The following TNFRSF10B variants were observed in gnomAD, a reference collection of about 807,000 sequenced individuals.
The protein encoded by TNFRSF10B is tumor necrosis factor receptor superfamily member 10B.
In TNFRSF10B, 35 loss-of-function variants were observed where a neutral mutation model predicts 41.4. The observed-to-expected ratio is 0.85, with a 90% CI of 0.65 to 1.12. TNFRSF10B has a LOEUF of 1.12. TNFRSF10B is among the 50% of genes most tolerant of loss of function. TNFRSF10B has a pLI of 0.00. For synonymous variants in TNFRSF10B, 230 were observed against 215.5 expected (o/e 1.07, Z -0.59); for missense variants, 584 against 552.7 (o/e 1.06, Z -0.57).
intron 2 of TNFRSF10B, among the ~76,000 whole-genome samples, chr8:23,033,350 C>T (rs1268431313): frequency 4.6e-5 from 7 of 151,860 alleles, no homozygotes; most frequent in African/African-American, 1.5e-4. Context: ...TCTGGGAGGC[C>T]GAGGCGGGCG....
chr8:23,023,047 A>G lies in TNFRSF10B; in HGVS notation c.1010-63T>C. The G allele has an allele frequency of 7.6e-6, 12 of 1,584,198 alleles. 1 individual carries two copies. In the South Asian group the frequency reaches 1.3e-4, roughly 18 times the overall value. On this transcript the variant is annotated intron_variant, in intron 8 of 8. Coordinates refer to ENST00000276431, the MANE Select transcript of TNFRSF10B (RefSeq NM_003842.5). ...GGACTCAGAAAGGGCAGAGGATTCC[A>G]CATCAGGCCCAGAACCCAAGGCGGG...
chr8:23,035,863 A>G (rs1336434001), intron 2 of TNFRSF10B, among the ~76,000 whole-genome samples: 7 of 152,166 alleles, frequency 4.6e-5, no homozygotes, highest in African/African-American at 1.4e-4. Flanking sequence ...TCACCTAAAA[A>G]TGTGCTAGTT....
chr8:23,022,928 G>C lies in TNFRSF10B; in HGVS notation c.1066C>G (p.Pro356Ala), dbSNP rs1036873542. 1.9e-6 allele frequency: 3 copies of C among 1,613,898 alleles called. No individual in the cohort carries two copies. In the Admixed American group the frequency reaches 5.0e-5, roughly 27 times the overall value. Reference protein sequence around the residue: ...ADLVPFDSWEPLMRKLGLMDN... With the variant: ...ADLVPFDSWEALMRKLGLMDN... ...ATGAGGCCCAACTTCCTCATGAGCG[G>C]CTCCCAGGAGTCAAAGGGCACCAAG... Residue 356 changes from proline (P) to alanine (A), a missense_variant, in exon 9 of 9, where the codon CCG becomes GCG. Physicochemically the swap from Pro to Ala is conservative, Grantham distance 27 (BLOSUM62 -1). Transcript: ENST00000276431.
intron 1 of TNFRSF10B, among the ~76,000 whole-genome samples, chr8:23,063,179 C>A (rs754743737): frequency 2.6e-5 from 4 of 152,140 alleles, no homozygotes; most frequent in African/African-American, 4.8e-5. Context: ...GAAACCCGGT[C>A]TCTACTAAAA....
chr8:23,049,895 G>A (rs1202683984), intron 1 of TNFRSF10B: 2 of 152,206 alleles, frequency 1.3e-5, no homozygotes, highest in East Asian at 1.9e-4. Flanking sequence ...CAAAAAAGTC[G>A]CCAGCCAGAA....
rs753825353 is a variant in TNFRSF10B at position 23,068,888 on chromosome 8, G to A, written c.7C>T (p.Gln3Ter). The change falls in exon 1 of 9, where the codon CAA becomes TAA. Residue 3 changes from glutamine (Q) to a stop codon, truncating the protein, a stop_gained. Transcript: ENST00000276431. LOFTEE classifies it high-confidence loss of function. ...GCGGCCGGGGCGTTCTGTCCCCGTT[G>A]TTCCATGGCGGTAGGGAACGCTCTT... The part of the protein sequence containing the change: ME[Q>*]RGQNAPAASG... 6 of 1,613,536 alleles carry A rather than the reference G, an allele frequency of 3.7e-6. No homozygotes were observed. Among genetic ancestry groups the A allele is most frequent in the African/African-American group, 1.3e-5 (1 of 75,064 alleles).
chr8:23,039,468 CT>C (rs574406424), intron 2 of TNFRSF10B, among the ~76,000 whole-genome samples: 1 of 152,112 alleles, frequency 6.6e-6, no homozygotes, highest in Non-Finnish European at 1.5e-5. Context: ...GGAGGTCAGT[CT>C]TTTTTCTATT....
intron 2 of TNFRSF10B, among the ~76,000 whole-genome samples, 153 bp from the exon 3 acceptor site, chr8:23,031,025 A>G (rs1811868085): frequency 6.6e-6 from 1 of 152,214 alleles, no homozygotes; most frequent in African/African-American, 2.4e-5. Flanking sequence ...TTCTGCATTT[A>G]CACACCTTAA....
chr8:23,036,597 C>T (rs936785169), intron 2 of TNFRSF10B, among the ~76,000 whole-genome samples: 1 of 152,244 alleles, frequency 6.6e-6, no homozygotes, highest in Non-Finnish European at 1.5e-5. Context: ...GTAATCCCAG[C>T]ACTTTGGGAG....
At chr8:23,049,375 C>T (rs1163343960) in intron 1 of TNFRSF10B, among the ~76,000 whole-genome samples, 1 of 152,062 alleles carries the variant, frequency 6.6e-6, no homozygotes, top group Non-Finnish European at 1.5e-5. Flanking sequence ...ACAAGTTTTA[C>T]TGGGGGTCTG....
chr8:23,038,030 TC>T (rs1255206761), intron 2 of TNFRSF10B, among the ~76,000 whole-genome samples: 8 of 152,182 alleles, frequency 5.3e-5, no homozygotes, highest in African/African-American at 1.9e-4. Flanking sequence ...CACTTTGGGT[TC>T]CTCATGCCTC....
intron 1 of TNFRSF10B, among the ~76,000 whole-genome samples, chr8:23,067,454 AACC>A (rs1813022436): frequency 1.3e-5 from 2 of 151,990 alleles, no homozygotes; most frequent in Non-Finnish European, 2.9e-5. Flanking sequence ...ATAAAAAAAA[AACC>A]CCACAACAGA....
chr8:23,039,278 A>G (rs1812105593), intron 2 of TNFRSF10B, among the ~76,000 whole-genome samples: 1 of 151,998 alleles, frequency 6.6e-6, no homozygotes, highest in African/African-American at 2.4e-5. Flanking sequence ...ACGGACCAGT[A>G]CTGGTCCATG....
chr8:23,036,817 C>T (rs776318311), intron 2 of TNFRSF10B, among the ~76,000 whole-genome samples: 57 of 152,210 alleles, frequency 3.7e-4, no homozygotes, highest in African/African-American at 1.3e-3. Context: ...CACTCTAGCC[C>T]GGGCAACAAT....
intron 1 of TNFRSF10B, among the ~76,000 whole-genome samples, chr8:23,053,518 G>T (rs932562537): frequency 6.6e-5 from 10 of 152,174 alleles, no homozygotes; most frequent in South Asian, 2.1e-4. Context: ...CTGTGGAAGG[G>T]TAATTGTAAA....
Position 23,021,392 on chromosome 8 carries a change from A to G in TNFRSF10B, c.*1279T>C, listed in dbSNP as rs755884682. On this transcript the variant is annotated 3_prime_UTR_variant, in exon 9 of 9. Transcript: ENST00000276431. The stretch of plus-strand genomic sequence containing the variant: ...CAGATAACCAGAAGTGAGCCGGGCC[A>G]TCTACTCCTGAGATGGCAACCATTT... 1.3e-5 allele frequency: 6 copies of G among 454,006 alleles called. No homozygotes were observed. Among genetic ancestry groups the G allele is most frequent in the South Asian group, 3.1e-5 (2 of 64,482 alleles). 28.1% of individuals were successfully genotyped at this position (454,006 alleles called of 1,614,324 possible).
intron 1 of TNFRSF10B, among the ~76,000 whole-genome samples, chr8:23,065,944 T>G (rs932009822): frequency 2.6e-5 from 4 of 152,074 alleles, no homozygotes; most frequent in Non-Finnish European, 5.9e-5. Context: ...AGCTTACAAA[T>G]ATACTCAAGA....
chr8:23,066,875 C>T (rs927330111), intron 1 of TNFRSF10B, among the ~76,000 whole-genome samples: 6 of 151,746 alleles, frequency 4.0e-5, no homozygotes, highest in Middle Eastern at 3.2e-3. Context: ...CCAGCCTAGG[C>T]GACAGAGGCA....
chr8:23,021,501 G>C lies in TNFRSF10B; in HGVS notation c.*1170C>G. The stretch of plus-strand genomic sequence containing the variant: ...ACAGATTTTGTCTTCTATCTCCTGA[G>C]CCCAAACAGGGCTCAAGTTCACTTG... On this transcript the variant is annotated 3_prime_UTR_variant, in exon 9 of 9. Transcript: ENST00000276431. The C allele has an allele frequency of 2.2e-6, 1 of 454,106 alleles. No individual in the cohort carries two copies. Among genetic ancestry groups the C allele is most frequent in the Non-Finnish European group, 4.4e-6 (1 of 226,796 alleles). The allele number at this position is 454,106 out of a possible 1,614,324, so 28.1% of individuals were successfully genotyped here.
Sources: gnomAD v4.1 joint callset for allele counts (sites outside exome capture counted in the v4.1 genomes callset) on GRCh38, gnomAD v4.1.1 for gene constraint, MANE v1.5 for transcripts, NCBI Gene and HGNC (gene_info 2026-07-23, HGNC 2026-07-21) for gene names.